DENND4B: variants seen among roughly 807,000 people sequenced by gnomAD.
The protein encoded by DENND4B is DENN domain-containing protein 4B.
A neutral mutation model predicts 161.0 loss-of-function variants in DENND4B; 67 were observed. That is an observed-to-expected ratio of 0.42 (90% CI 0.34 to 0.51). DENND4B has a LOEUF of 0.51. Among genes scored for constraint, DENND4B ranks in the 20% least tolerant of loss-of-function variants. The pLI, the probability that DENND4B is intolerant of heterozygous loss-of-function variation, is 0.08. For missense variants in DENND4B, 1,481 were observed against 1,968.0 expected, an observed-to-expected ratio of 0.75 and a Z score of 4.68; for synonymous variants, 753 against 813.8, an observed-to-expected ratio of 0.93 and a Z score of 1.27.
At position 153,939,569 on chromosome 1, in the gene DENND4B, C is replaced by A; in HGVS notation, c.1819+20G>T. 6.3e-7 allele frequency: 1 copy of A among 1,583,320 alleles called. No homozygotes were observed. The highest frequency in any genetic ancestry group is 8.6e-7 in the Non-Finnish European group (1 of 1,159,380). ...CCTCCTCCCATGATACATCTCCAAG[C>A]AGAGACAGGCCCTCTATACCCTGCA... On this transcript the variant is annotated intron_variant, in intron 12 of 27. Coordinates refer to ENST00000361217, the MANE Select transcript of DENND4B (RefSeq NM_014856.3).
rs1679709173 is a variant in DENND4B at position 153,942,139 on chromosome 1, G to A, written c.811-26C>T. 1 of 1,613,748 alleles carries A rather than the reference G, an allele frequency of 6.2e-7. No homozygotes were observed. Among genetic ancestry groups the A allele is most frequent in the South Asian group, 1.1e-5 (1 of 91,088 alleles). The stretch of plus-strand genomic sequence containing the variant: ...CTGGCAGGGGGCAGAAGGGTAGTCA[G>A]GCAGGCCCTGCATAGCCTGGACCCC... On this transcript the variant is annotated intron_variant, in intron 5 of 27. Transcript: ENST00000361217. The surrounding 1 kb of genome is among the most constrained non-coding windows in gnomAD (Gnocchi z 6.9).
Position 153,940,130 on chromosome 1 carries a change from C to A in DENND4B, c.1603+26G>T. Reference sequence around the variant, plus strand: ...GTTTGAGGGCAATGACAGTTCCCAGCCTCCCTCCCCACCCAGGCTTCTCAC... The same window carrying A: ...GTTTGAGGGCAATGACAGTTCCCAGACTCCCTCCCCACCCAGGCTTCTCAC... On this transcript the variant is annotated intron_variant, in intron 11 of 27. Coordinates refer to ENST00000361217, the MANE Select transcript of DENND4B (RefSeq NM_014856.3). The surrounding 1 kb of genome is among the most constrained non-coding windows in gnomAD (Gnocchi z 5.6). The A allele has an allele frequency of 6.5e-7, 1 of 1,531,016 alleles. No individual in the cohort carries two copies. The highest frequency in any genetic ancestry group is 2.3e-5 in the East Asian group (1 of 44,218). The allele number at this position is 1,531,016 out of a possible 1,614,324, so 94.8% of individuals were successfully genotyped here. A position where few individuals can be genotyped will look rare whatever the true frequency, so the allele number is the denominator to read the frequency against.
intron 24 of DENND4B, among the ~76,000 whole-genome samples, chr1:153,931,882 C>A (rs1458772780): frequency 6.6e-6 from 1 of 151,648 alleles, no homozygotes; most frequent in Admixed American, 6.6e-5. Flanking sequence ...CGGCTCACCA[C>A]AACCTCCGCC....
intron 6 of DENND4B, among the ~76,000 whole-genome samples, 164 bp downstream of exon 6, chr1:153,941,705 C>T (rs1679679769): frequency 6.6e-6 from 1 of 152,188 alleles, no homozygotes; most frequent in African/African-American, 2.4e-5. Flanking sequence ...CCCTCCTCAG[C>T]CCGTGGCGTT....
Position 153,930,122 on chromosome 1 carries a change from C to T in DENND4B, c.*175G>A. On this transcript the variant is annotated 3_prime_UTR_variant, in exon 28 of 28. Transcript: ENST00000361217. The surrounding 1 kb of genome is among the most constrained non-coding windows in gnomAD (Gnocchi z 4.7). ...CTGGGTAGGTTGGTGATGGGGGAAT[C>T]AGGACTTTTGGTAACAGTGGATCCC... 3.4e-6 allele frequency: 3 copies of T among 879,978 alleles called. No homozygotes were observed. The highest frequency in any genetic ancestry group is 5.1e-6 in the Non-Finnish European group (3 of 593,388). 54.5% of individuals were successfully genotyped at this position (879,978 alleles called of 1,614,324 possible). A position where few individuals can be genotyped will look rare whatever the true frequency, so the allele number is the denominator to read the frequency against.
chr1:153,931,954 C>T (rs999022497), intron 24 of DENND4B, among the ~76,000 whole-genome samples: 6 of 152,114 alleles, frequency 3.9e-5, no homozygotes, highest in Non-Finnish European at 7.3e-5. Context: ...CAGGCATGCA[C>T]CACCAAGCCT....
Position 153,933,413 on chromosome 1 carries a change from A to C in DENND4B, c.3330+70T>G. The C allele has an allele frequency of 1.0e-5, 16 of 1,605,294 alleles. No individual in the cohort carries two copies. The highest frequency in any genetic ancestry group is 1.4e-5 in the Non-Finnish European group (16 of 1,175,822). On this transcript the variant is annotated intron_variant, in intron 20 of 27. Transcript: ENST00000361217. The surrounding 1 kb of genome is among the most constrained non-coding windows in gnomAD (Gnocchi z 5.7). ...ACCCCTCAGAGCCCCCTTTTTGAGCATTCTTCCAGTCGTAGCCCCTCCCCA... is the reference window on the plus strand; with the variant it reads ...ACCCCTCAGAGCCCCCTTTTTGAGCCTTCTTCCAGTCGTAGCCCCTCCCCA...
Position 153,937,416 on chromosome 1 carries a change from G to T in DENND4B, c.2232+72C>A. The T allele has an allele frequency of 1.1e-5, 16 of 1,456,370 alleles. No homozygotes were observed. In the South Asian group the frequency reaches 2.1e-4, roughly 19 times the overall value. The allele number at this position is 1,456,370 out of a possible 1,614,324, so 90.2% of individuals were successfully genotyped here. ...GTATTATTGTTATACCCATTTTGTA[G>T]ATGAGGAAACTGAAGCAGCAGCAGC... is the stretch of plus-strand genomic sequence containing the variant. On this transcript the variant is annotated intron_variant, in intron 15 of 27. Coordinates refer to ENST00000361217, the MANE Select transcript of DENND4B (RefSeq NM_014856.3). The surrounding 1 kb of genome is among the most constrained non-coding windows in gnomAD (Gnocchi z 4.7).
At position 153,930,434 on chromosome 1, in the gene DENND4B, C is replaced by T. The variant is rs746378027; in HGVS notation, c.4354G>A (p.Asp1452Asn). 2 of 1,613,874 alleles carry T rather than the reference C, an allele frequency of 1.2e-6. No homozygotes were observed. Among genetic ancestry groups the T allele is most frequent in the East Asian group, 2.2e-5 (1 of 44,872 alleles). ...GKDHVDIVAF[D>N]KKYKSAFNKL... ...TTAAAGGCAGACTTGTACTTCTTAT[C>T]GAAGGCCACTAGGGAAGAAGGTGGA... Residue 1452 changes from aspartate (D) to asparagine (N), a missense_variant, in exon 28 of 28, where the codon GAT becomes AAT. Transcript: ENST00000361217. This position sits in a 1 kb window ranked among gnomAD's most constrained non-coding sequence, Gnocchi z 4.7.
intron 6 of DENND4B, 133 bp from the exon 7 acceptor site, chr1:153,941,573 G>T: frequency 2.5e-6 from 3 of 1,190,062 alleles, no homozygotes; most frequent in Non-Finnish European, 3.5e-6. Context: ...CCTGTTATCA[G>T]CCAACAGAAC....
rs1679823783 is a variant in DENND4B at position 153,944,032 on chromosome 1, G to T, written c.317+26C>A. On this transcript the variant is annotated intron_variant, in intron 2 of 27. Transcript: ENST00000361217. The surrounding 1 kb of genome is among the most constrained non-coding windows in gnomAD (Gnocchi z 4.8). Reference sequence around the variant, plus strand: ...CTGGAGTCCCTCCCAGCCTCCCCTGGTGCCAGCATGGGTAGGGGCACACAC... The same window carrying T: ...CTGGAGTCCCTCCCAGCCTCCCCTGTTGCCAGCATGGGTAGGGGCACACAC... The T allele has an allele frequency of 6.6e-7, 1 of 1,513,836 alleles. No homozygotes were observed. Among genetic ancestry groups the T allele is most frequent in the Non-Finnish European group, 8.9e-7 (1 of 1,128,914 alleles). The allele number at this position is 1,513,836 out of a possible 1,614,324, so 93.8% of individuals were successfully genotyped here. A position where few individuals can be genotyped will look rare whatever the true frequency, so the allele number is the denominator to read the frequency against.
At chr1:153,943,362 T>C (rs1354622342) in intron 2 of DENND4B, among the ~76,000 whole-genome samples, 2 of 152,208 alleles carry the variant, frequency 1.3e-5, no homozygotes, top group Admixed American at 1.3e-4. Flanking sequence ...ATGCCTTCTA[T>C]GGCTCTCATA....
Position 153,930,163 on chromosome 1 carries a change from C to G in DENND4B, c.*134G>C, listed in dbSNP as rs537056513. On this transcript the variant is annotated 3_prime_UTR_variant, in exon 28 of 28. Coordinates refer to ENST00000361217, the MANE Select transcript of DENND4B (RefSeq NM_014856.3). The surrounding 1 kb of genome is among the most constrained non-coding windows in gnomAD (Gnocchi z 4.7). ...AGTGGATCCCTCTTCCTGTTGTCCT[C>G]GCTTGGAGCCTTTGACTGGGCATCC... The G allele has an allele frequency of 1.6e-6, 2 of 1,224,032 alleles. No homozygotes were observed. The highest frequency in any genetic ancestry group is 2.6e-5 in the East Asian group (1 of 38,968). 75.8% of individuals were successfully genotyped at this position (1,224,032 alleles called of 1,614,324 possible).
In DENND4B at chr1:153,940,945, G is replaced by A. The variant is rs1205376381; in HGVS notation, c.1285C>T (p.Arg429Trp). ...CAGACGCTGGTGAGCAGGTCTGGCC[G>A]CAGCGAGTGGACTAGCAGCTTGTGC... ...TEHKLLVHSL[R>W]PDLLTSVCEA... is the part of the protein sequence containing the mutation. The change falls in exon 9 of 28, where the codon CGG (arginine) becomes TGG (tryptophan). Residue 429 changes from arginine (R) to tryptophan (W), a missense_variant. Arg to Trp is a moderately radical substitution (Grantham distance 101). Coordinates refer to ENST00000361217, the MANE Select transcript of DENND4B (RefSeq NM_014856.3). The surrounding 1 kb of genome is among the most constrained non-coding windows in gnomAD (Gnocchi z 5.6). The A allele has an allele frequency of 5.0e-6, 8 of 1,600,038 alleles. No individual in the cohort carries two copies. Among genetic ancestry groups the A allele is most frequent in the African/African-American group, 2.7e-5 (2 of 74,606 alleles).
chr1:153,930,821 A>C lies in DENND4B; in HGVS notation c.4151T>G (p.Val1384Gly). 1 of 1,604,162 alleles carries C rather than the reference A, an allele frequency of 6.2e-7. No individual in the cohort carries two copies. The highest frequency in any genetic ancestry group is 8.5e-7 in the Non-Finnish European group (1 of 1,175,426). ...CAGTGCCAAACTAAGGGATGCAGGT[A>C]CAGGGCCTGGCCATACCACCCGCTG... ...IPQRVVWPGP[V>G]PASLSLALLE... is the part of the protein sequence containing the mutation. The change falls in exon 26 of 28, where the codon GTA becomes GGA. Residue 1384 changes from valine to glycine, a missense_variant. Val to Gly is a moderately radical substitution (Grantham distance 109). Coordinates refer to ENST00000361217, the MANE Select transcript of DENND4B (RefSeq NM_014856.3). The surrounding 1 kb of genome is among the most constrained non-coding windows in gnomAD (Gnocchi z 4.7).
At position 153,933,732 on chromosome 1, in the gene DENND4B, G is replaced by A. The variant is rs770560503; in HGVS notation, c.3081C>T (p.Ala1027=). ...GCCCTTCCAGGGCCTCAGTGGACTG[G>A]GCACTCAGGGCTGAGCCTGAGCCCC... is the stretch of plus-strand genomic sequence containing the variant. The part of the protein sequence containing the change: ...SPGGSGSALS[A]QSTEALEGLS... The change falls in exon 20 of 28, where the codon GCC becomes GCT. Residue 1027 remains alanine (A), a synonymous_variant. Transcript: ENST00000361217. The surrounding 1 kb of genome is among the most constrained non-coding windows in gnomAD (Gnocchi z 5.7). 1.9e-6 allele frequency: 3 copies of A among 1,595,104 alleles called. No individual in the cohort carries two copies. Among genetic ancestry groups the A allele is most frequent in the Non-Finnish European group, 2.6e-6 (3 of 1,171,416 alleles).
Position 153,930,328 on chromosome 1 carries a change from C to A in DENND4B, c.4460G>T (p.Arg1487Leu). 6.2e-7 allele frequency: 1 copy of A among 1,613,962 alleles called. No homozygotes were observed. The highest frequency in any genetic ancestry group is 8.5e-7 in the Non-Finnish European group (1 of 1,179,844). Residue 1487 changes from arginine (R) to leucine (L), a missense_variant, in exon 28 of 28, where the codon CGA becomes CTA. This residue lies in a region of DENND4B where 336 missense variants were observed against 503.3 expected (regional missense o/e 0.67). Transcript: ENST00000361217. The surrounding 1 kb of genome is among the most constrained non-coding windows in gnomAD (Gnocchi z 4.7). Reference sequence around the variant, plus strand: ...TTCTGGAGGTGCTCCAAAACATTTTCGGCAGTCAATGGCCTTGGGAGTGGG... The same window carrying A: ...TTCTGGAGGTGCTCCAAAACATTTTAGGCAGTCAATGGCCTTGGGAGTGGG... ...QMPTPKAIDC[R>L]KCFGAPPEC
Position 153,940,905 on chromosome 1 carries a change from G to A in DENND4B, c.1325C>T (p.Ser442Leu). The change falls in exon 9 of 28, where the codon TCG becomes TTG. Residue 442 changes from serine (S) to leucine (L), a missense_variant and splice_region_variant. This residue lies in a region of DENND4B where 806 missense variants were observed against 1,134.4 expected (regional missense o/e 0.71). Transcript: ENST00000361217. This position sits in a 1 kb window ranked among gnomAD's most constrained non-coding sequence, Gnocchi z 5.6. ...LLTSVCEALV[S>L]MIFPLHWQCP... ...TGGGCCAGGCGGGGCGGCACTCACC[G>A]AGACGAGGGCCTCACAGACGCTGGT... 1.9e-6 allele frequency: 3 copies of A among 1,568,112 alleles called. No homozygotes were observed. The highest frequency in any genetic ancestry group is 1.2e-5 in the South Asian group (1 of 86,096).
chr1:153,933,842 G>C lies in DENND4B; in HGVS notation c.2971C>G (p.Arg991Gly). ...TCGTGCCAGGGCACAGGTGATCCCC[G>C]GGGTTCCAGGACCCCCAAGGCCTCT... ...MIEALGVLEP[R>G]GSPVPWHDGS... The change falls in exon 20 of 28, where the codon CGG (arginine) becomes GGG (glycine). Residue 991 changes from arginine (R) to glycine (G), a missense_variant. Coordinates refer to ENST00000361217, the MANE Select transcript of DENND4B (RefSeq NM_014856.3). This position sits in a 1 kb window ranked among gnomAD's most constrained non-coding sequence, Gnocchi z 5.7. The C allele has an allele frequency of 6.2e-7, 1 of 1,613,204 alleles. No individual in the cohort carries two copies. The highest frequency in any genetic ancestry group is 8.5e-7 in the Non-Finnish European group (1 of 1,179,750).
Sources: gnomAD v4.1 joint callset for allele counts (sites outside exome capture counted in the v4.1 genomes callset) on GRCh38, gnomAD v4.1.1 for gene constraint, gnomAD v4.1.1 regional missense constraint, Gnocchi (gnomAD v3.1) non-coding constraint, MANE v1.5 for transcripts, NCBI Gene and HGNC (gene_info 2026-07-23, HGNC 2026-07-21) for gene names.